PBX1: variants seen among roughly 807,000 people sequenced by gnomAD.
PBX1 encodes the protein pre-B-cell leukemia transcription factor 1.
A neutral mutation model predicts 53.4 loss-of-function variants in PBX1; 6 were observed. The ratio of observed to expected loss-of-function variants is 0.11; its 90% CI spans 0.06 to 0.22. The LOEUF is 0.22. Ranked by LOEUF, PBX1 falls within the 10% of genes least tolerant of loss-of-function variation. The probability of loss-of-function intolerance (pLI) is 1.00; values close to 1 mark genes in which losing one functional copy is unlikely to be tolerated. For synonymous variants in PBX1, 204 were observed against 212.3 expected (o/e 0.96, Z 0.34); for missense variants, 251 against 551.4 (o/e 0.46, Z 5.46).
chr1:164,729,510 C>T (rs1044278560), intron 2 of PBX1, among the ~76,000 whole-genome samples: 3 of 152,146 alleles, frequency 2.0e-5, no homozygotes, highest in African/African-American at 7.2e-5. Context: ...TAGACATATA[C>T]ATACATGTAA....
intron 4 of PBX1, among the ~76,000 whole-genome samples, chr1:164,806,626 A>C (rs1012387009): frequency 2.0e-5 from 3 of 152,244 alleles, no homozygotes; most frequent in Non-Finnish European, 4.4e-5. Context: ...GTCAGACCTG[A>C]ATTAATACCT....
chr1:164,657,631 A>C (rs1335886538), intron 2 of PBX1, among the ~76,000 whole-genome samples: 1 of 152,236 alleles, frequency 6.6e-6, no homozygotes, highest in Non-Finnish European at 1.5e-5. Context: ...TGTAGAGTGC[A>C]TTAACCTTCT....
intron 2 of PBX1, chr1:164,770,794 A>C (rs923235936): frequency 6.6e-6 from 1 of 152,174 alleles, no homozygotes; most frequent in African/African-American, 2.4e-5. Flanking sequence ...CATAGGCTTG[A>C]GATACATGCA....
chr1:164,759,805 G>A (rs773063479), intron 2 of PBX1, among the ~76,000 whole-genome samples: 16 of 152,204 alleles, frequency 1.1e-4, no homozygotes, highest in Non-Finnish European at 2.2e-4. Flanking sequence ...GGCACTCTCA[G>A]GGAAGACCTG....
chr1:164,854,882 C>T (rs747983921), downstream of PBX1, among the ~76,000 whole-genome samples: 1 of 151,880 alleles, frequency 6.6e-6, no homozygotes, highest in South Asian at 2.1e-4. Flanking sequence ...AAAATTCACT[C>T]TCTCCCACAA....
intron 1 of PBX1, 80 bp downstream of exon 1, chr1:164,560,093 A>G: frequency 9.6e-7 from 1 of 1,036,362 alleles, no homozygotes; most frequent in South Asian, 2.3e-5. Context: ...TGGGAACCGA[A>G]TCACCACAGC....
At chr1:164,618,016 C>A (rs1438014028) in intron 2 of PBX1, among the ~76,000 whole-genome samples, 1 of 152,136 alleles carries the variant, frequency 6.6e-6, no homozygotes, top group African/African-American at 2.4e-5. Context: ...TTCTTTCCAG[C>A]GGCCTATGCT....
intron 2 of PBX1, among the ~76,000 whole-genome samples, chr1:164,729,143 A>G (rs1347145554): frequency 3.3e-5 from 5 of 152,228 alleles, no homozygotes; most frequent in Non-Finnish European, 7.3e-5. Context: ...ATACTTGGTA[A>G]CTAACCTCAG....
At chr1:164,761,413 A>G (rs1436539542) in intron 2 of PBX1, among the ~76,000 whole-genome samples, 4 of 152,228 alleles carry the variant, frequency 2.6e-5, no homozygotes, top group Non-Finnish European at 5.9e-5. Context: ...ATTCTAAAAA[A>G]TAAACATTAA....
intron 2 of PBX1, among the ~76,000 whole-genome samples, chr1:164,731,079 G>A (rs1280360961): frequency 2.6e-5 from 4 of 152,108 alleles, no homozygotes; most frequent in African/African-American, 9.7e-5. Flanking sequence ...GTGTGTGTGT[G>A]TATGGGCGCA....
At chr1:164,735,534 C>T (rs1665219760) in intron 2 of PBX1, among the ~76,000 whole-genome samples, 1 of 152,130 alleles carries the variant, frequency 6.6e-6, no homozygotes, top group South Asian at 2.1e-4. Context: ...CTATACAGAT[C>T]GCTAGCTGCC....
intron 2 of PBX1, among the ~76,000 whole-genome samples, chr1:164,775,872 T>C (rs548120454): frequency 6.6e-6 from 1 of 152,250 alleles, no homozygotes; most frequent in Admixed American, 6.5e-5. Flanking sequence ...TTGGGGTCTG[T>C]TTGTATATTT....
In PBX1 at chr1:164,660,479, A is replaced by G. The variant is rs548923960; in HGVS notation, c.265+97168A>G. On this transcript the variant is annotated intron_variant, in intron 2 of 8. Coordinates refer to ENST00000420696, the MANE Select transcript of PBX1 (RefSeq NM_002585.4). ...GACACTTTACAGACCTCCTCTTGGGATAAAGTGTAGGACCTGTGCCATTGC... is the reference window on the plus strand; with the variant it reads ...GACACTTTACAGACCTCCTCTTGGGGTAAAGTGTAGGACCTGTGCCATTGC... Among the ~76,000 whole-genome samples, 3 of 152,346 alleles carry G rather than the reference A, an allele frequency of 2.0e-5. No individual in the cohort carries two copies. In the South Asian group the frequency reaches 6.2e-4, roughly 32 times the overall value.
chr1:164,626,434 G>A (rs894660957), intron 2 of PBX1, among the ~76,000 whole-genome samples: 5 of 152,200 alleles, frequency 3.3e-5, no homozygotes, highest in African/African-American at 1.2e-4. Context: ...GGGTGGGTAA[G>A]TGGAGCCTTT....
intron 2 of PBX1, among the ~76,000 whole-genome samples, chr1:164,580,428 G>A (rs1235407591): frequency 3.3e-5 from 5 of 151,866 alleles, no homozygotes; most frequent in African/African-American, 9.7e-5. Flanking sequence ...ACAGGCGTGC[G>A]CCACCATGCC....
At chr1:164,768,334 A>T (rs917395567) in intron 2 of PBX1, among the ~76,000 whole-genome samples, 6 of 152,050 alleles carry the variant, frequency 3.9e-5, no homozygotes, top group African/African-American at 1.2e-4. Context: ...ACACCAGACT[A>T]CCCATCCTGT....
intron 1 of PBX1, among the ~76,000 whole-genome samples, chr1:164,560,815 G>A (rs1365557988): frequency 6.6e-6 from 1 of 151,902 alleles, no homozygotes; most frequent in Non-Finnish European, 1.5e-5. Flanking sequence ...AGGGGTGGGG[G>A]GACAAAAATC....
chr1:164,684,364 C>A (rs1661972794), intron 2 of PBX1: 2 of 152,106 alleles, frequency 1.3e-5, no homozygotes, highest in South Asian at 4.1e-4. Flanking sequence ...TATTCTTTGA[C>A]CTCTCTTATG....
At chr1:164,717,539 G>T (rs1664172922) in intron 2 of PBX1, among the ~76,000 whole-genome samples, 1 of 152,176 alleles carries the variant, frequency 6.6e-6, no homozygotes, top group South Asian at 2.1e-4. Flanking sequence ...CAGCAACTGG[G>T]ACTTCTGTAG....
Sources: gnomAD v4.1 joint callset for allele counts (sites outside exome capture counted in the v4.1 genomes callset) on GRCh38, gnomAD v4.1.1 for gene constraint, MANE v1.5 for transcripts, NCBI Gene and HGNC (gene_info 2026-07-23, HGNC 2026-07-21) for gene names.